HGS: variants seen among roughly 807,000 people sequenced by gnomAD.
HGS encodes human growth factor-regulated tyrosine kinase substrate.
In HGS, 63 loss-of-function variants were observed where a neutral mutation model predicts 109.7. The ratio of observed to expected loss-of-function variants is 0.57; its 90% CI spans 0.47 to 0.71. HGS has a LOEUF of 0.71. Ranked by LOEUF, HGS falls within the 30% of genes least tolerant of loss-of-function variation. The pLI is 0.00. For missense variants in HGS, 995 were observed against 1,068.3 expected (o/e 0.93, Z 0.96); for synonymous variants, 546 against 437.3 (o/e 1.25, Z -3.10).
In HGS at chr17:81,691,435, C is replaced by T. The variant is rs2037062869; in HGVS notation, c.538-12C>T. ...AGTGCCTGTGACCAGGCCCGCCCGC[C>T]CCATCTTACAGCACCACTGCCGGGC... On this transcript the variant is annotated splice_polypyrimidine_tract_variant and intron_variant, in intron 7 of 21. Coordinates refer to ENST00000329138, the MANE Select transcript of HGS (RefSeq NM_004712.5). This position sits in a 1 kb window ranked among gnomAD's most constrained non-coding sequence, Gnocchi z 5.3. The T allele has an allele frequency of 6.2e-7, 1 of 1,613,784 alleles. No homozygotes were observed. The highest frequency in any genetic ancestry group is 8.5e-7 in the Non-Finnish European group (1 of 1,179,944).
Position 81,686,033 on chromosome 17 carries a change from C to T in HGS, c.123-279C>T, listed in dbSNP as rs8073335. Among the ~76,000 whole-genome samples, 305 of 152,224 alleles carry T rather than the reference C, an allele frequency of 2.0e-3. 1 individual carries two copies. Among genetic ancestry groups the T allele is most frequent in the African/African-American group, 6.9e-3 (288 of 41,540 alleles). On this transcript the variant is annotated intron_variant, in intron 2 of 21. Coordinates refer to ENST00000329138, the MANE Select transcript of HGS (RefSeq NM_004712.5). Reference sequence around the variant, plus strand: ...GCAGCCCCTGCCTCCCAAGCTCAAACGATCGTCCCACCTCAACCTCCTGAG... The same window carrying T: ...GCAGCCCCTGCCTCCCAAGCTCAAATGATCGTCCCACCTCAACCTCCTGAG...
chr17:81,686,034 G>T (rs186345887), intron 2 of HGS, among the ~76,000 whole-genome samples: 1 of 152,112 alleles, frequency 6.6e-6, no homozygotes, highest in Admixed American at 6.5e-5. Flanking sequence ...AAGCTCAAAC[G>T]ATCGTCCCAC....
At chr17:81,697,030 T>C (rs1434668780) in intron 18 of HGS, 32 bp downstream of exon 18, 2 of 1,513,802 alleles carry the variant, frequency 1.3e-6, no homozygotes, top group Non-Finnish European at 1.8e-6. Flanking sequence ...GACCATGCCT[T>C]TTATCCCTCG....
At chr17:81,695,679 G>A (rs1193502803) in intron 14 of HGS, 107 bp from the exon 15 acceptor site, 7 of 971,118 alleles carry the variant, frequency 7.2e-6, no homozygotes, top group Non-Finnish European at 1.1e-5. Flanking sequence ...GGAGCAGATG[G>A]ACTCTGCTCC....
In HGS at chr17:81,684,024, G is replaced by T. The variant is rs763710819; in HGVS notation, c.-43G>T. 4.4e-6 allele frequency: 7 copies of T among 1,574,394 alleles called. No homozygotes were observed. The highest frequency in any genetic ancestry group is 6.0e-6 in the Non-Finnish European group (7 of 1,164,218). The stretch of plus-strand genomic sequence containing the variant: ...AAGTCGGGGGGCGCGCCAGCTCGTA[G>T]CAGGGGAGCGCCCGCGGCGTCGGGT... On this transcript the variant is annotated 5_prime_UTR_variant, in exon 1 of 22. Coordinates refer to ENST00000329138, the MANE Select transcript of HGS (RefSeq NM_004712.5).
chr17:81,697,193 C>T (rs1242111881), intron 18 of HGS, 195 bp downstream of exon 18: 5 of 629,612 alleles, frequency 7.9e-6, no homozygotes, highest in East Asian at 5.7e-5. Context: ...TCAGTCCGTG[C>T]GTGGCAGGTA....
Position 81,699,665 on chromosome 17 carries a change from C to G in HGS, c.1883-802C>G, listed in dbSNP as rs186301224. 5.5e-3 allele frequency among the ~76,000 whole-genome samples: 838 copies of G among 152,084 alleles called. 14 individuals are homozygous for G. Among genetic ancestry groups the G allele is most frequent in the African/African-American group, 0.02 (811 of 41,372 alleles). Reference sequence around the variant, plus strand: ...GGTCTCGAACTCCTGCCATCATGATCCGCCTGCCTCGGCCTCCCAAAGTGC... The same window carrying G: ...GGTCTCGAACTCCTGCCATCATGATGCGCCTGCCTCGGCCTCCCAAAGTGC... On this transcript the variant is annotated intron_variant, in intron 18 of 21. Transcript: ENST00000329138.
chr17:81,689,242 C>T (rs1170952102), intron 5 of HGS, among the ~76,000 whole-genome samples: 1 of 152,202 alleles, frequency 6.6e-6, no homozygotes, highest in African/African-American at 2.4e-5. Context: ...AGGGTTGAGG[C>T]CCCAGGGCAG....
intron 6 of HGS, 158 bp from the exon 7 acceptor site, chr17:81,690,516 C>T (rs775406912): frequency 4.3e-6 from 3 of 690,608 alleles, no homozygotes; most frequent in Non-Finnish European, 4.7e-6. Flanking sequence ...GCAGCTTCAC[C>T]CCAGGCCACG....
At chr17:81,700,904 G>C in intron 20 of HGS, 90 bp downstream of exon 20, 1 of 1,557,766 alleles carries the variant, frequency 6.4e-7, no homozygotes, top group Non-Finnish European at 8.8e-7. Flanking sequence ...CAGGCACTGG[G>C]TGGGCTCCAC....
intron 1 of HGS, 79 bp downstream of exon 1, chr17:81,684,182 G>A: frequency 1.6e-6 from 2 of 1,269,556 alleles, no homozygotes; most frequent in East Asian, 6.2e-5. Flanking sequence ...CGGCCCCGAG[G>A]GCCCGAGGGG....
At chr17:81,684,136 G>C (rs577986958) in intron 1 of HGS, 33 bp downstream of exon 1, 2 of 1,527,716 alleles carry the variant, frequency 1.3e-6, no homozygotes, top group African/African-American at 1.4e-5. Flanking sequence ...CTCGGCCTTG[G>C]TCAGCCCGCA....
rs1464829850 is a variant in HGS at position 81,696,405 on chromosome 17, G to A, written c.1442G>A (p.Arg481Gln). Residue 481 changes from arginine to glutamine, a missense_variant, in exon 16 of 22, where the codon CGG becomes CAG. Physicochemically the swap from Arg to Gln is conservative, Grantham distance 43 (BLOSUM62 1). This residue lies in a region of HGS where 163 missense variants were observed against 217.8 expected (regional missense o/e 0.75). Coordinates refer to ENST00000329138, the MANE Select transcript of HGS (RefSeq NM_004712.5). ...QDKLAQIRDA[R>Q]GALSALREEH... ...AAGCTGGCACAGATCCGCGATGCCC[G>A]GGGGGCGCTGAGTGCCCTGCGCGAA... The A allele has an allele frequency of 7.6e-6, 12 of 1,582,348 alleles. No homozygotes were observed. The highest frequency in any genetic ancestry group is 5.4e-5 in the African/African-American group (4 of 74,316).
Position 81,690,979 on chromosome 17 carries a change from C to T in HGS, c.537+237C>T, listed in dbSNP as rs2037054501. On this transcript the variant is annotated intron_variant, in intron 7 of 21. Coordinates refer to ENST00000329138, the MANE Select transcript of HGS (RefSeq NM_004712.5). Reference sequence around the variant, plus strand: ...ACTCTGGAATTATAATGTTTTAAACCTAGGGCTACAGGCCTTGCCACAGTC... The same window carrying T: ...ACTCTGGAATTATAATGTTTTAAACTTAGGGCTACAGGCCTTGCCACAGTC... The T allele has an allele frequency of 1.7e-5, 9 of 532,958 alleles. No individual in the cohort carries two copies. The East Asian group carries it at 2.2e-4, about 13-fold the overall frequency. The allele number at this position is 532,958 out of a possible 1,614,324, so 33.0% of individuals were successfully genotyped here.
intron 4 of HGS, among the ~76,000 whole-genome samples, chr17:81,687,620 C>T (rs974885875): frequency 6.6e-6 from 1 of 152,210 alleles, no homozygotes; most frequent in South Asian, 2.1e-4. Flanking sequence ...AGGAAAAGCC[C>T]TCCAGATCCC....
intron 6 of HGS, 35 bp downstream of exon 6, chr17:81,690,269 G>A (rs757656838): frequency 7.5e-6 from 12 of 1,609,250 alleles, no homozygotes; most frequent in African/African-American, 5.3e-5. Context: ...TTCTGGAGTC[G>A]GGCTGCTCAG....
chr17:81,686,799 G>A (rs893129351), intron 3 of HGS, among the ~76,000 whole-genome samples: 4 of 151,762 alleles, frequency 2.6e-5, no homozygotes, highest in South Asian at 2.1e-4. Context: ...CGGGCCTGTC[G>A]AAGGGCTCTG....
At chr17:81,701,204 C>A in intron 21 of HGS, 73 bp downstream of exon 21, 2 of 1,341,494 alleles carry the variant, frequency 1.5e-6, no homozygotes, top group Non-Finnish European at 2.1e-6. Context: ...CAATGGGACC[C>A]CTGGCCCCAG....
At chr17:81,701,376 GGCTGCATGA>G in intron 21 of HGS, 123 bp from the exon 22 acceptor site, 2 of 1,040,440 alleles carry the variant, frequency 1.9e-6, no homozygotes, top group Non-Finnish European at 2.8e-6. Flanking sequence ...CGCATGAGCT[GGCTGCATGA>G]GCTGCAGTCC....
Sources: allele counts gnomAD v4.1 joint callset (sites outside exome capture counted in the v4.1 genomes callset), GRCh38; gene constraint gnomAD v4.1.1; regional missense constraint gnomAD v4.1.1; non-coding constraint Gnocchi (gnomAD v3.1); transcripts MANE v1.5; gene names NCBI Gene and HGNC (gene_info 2026-07-23, HGNC 2026-07-21).